SUV39H1: variants seen among roughly 807,000 people sequenced by gnomAD.
SUV39H1 encodes the protein SUV39H1 histone lysine methyltransferase.
For missense variants in SUV39H1, 180 were observed against 386.3 expected (o/e 0.47, Z 4.48); for synonymous variants, 141 against 150.5 (o/e 0.94, Z 0.46).
intron 3 of SUV39H1, among the ~76,000 whole-genome samples, chrX:48,703,537 C>T (rs1569495117): frequency 8.9e-6 from 1 of 112,129 alleles, no homozygotes; most frequent in East Asian, 2.8e-4. Context: ...CCCATCCTCA[C>T]CCAAGAGACA....
In SUV39H1 at chrX:48,707,716, G is replaced by C; in HGVS notation, c.*146G>C. ...TGCTCCTACCTGCTCTACGTTCAGG[G>C]CTGTGGCCGTGGTGAGGACCGACTC... On this transcript the variant is annotated 3_prime_UTR_variant, in exon 6 of 6. Transcript: ENST00000376687. The C allele has an allele frequency of 1.3e-6, 1 of 776,942 alleles. No homozygotes were observed. Among genetic ancestry groups the C allele is most frequent in the Non-Finnish European group, 1.9e-6 (1 of 524,619 alleles). 64.0% of individuals were successfully genotyped at this position (776,942 alleles called of 1,213,427 possible).
chrX:48,696,180 G>A (rs1325195734), upstream of SUV39H1, among the ~76,000 whole-genome samples: 1 of 112,591 alleles, frequency 8.9e-6, no homozygotes, highest in Admixed American at 9.3e-5. Flanking sequence ...ACAACGTGAG[G>A]ACAGGATGGT....
intron 3 of SUV39H1, among the ~76,000 whole-genome samples, chrX:48,702,942 G>A (rs1557009608): frequency 9.0e-6 from 1 of 111,576 alleles, no homozygotes; most frequent in East Asian, 2.8e-4. Flanking sequence ...TTAGGAGGGT[G>A]GACTCTGGAT....
At position 48,707,597 on chromosome X, in the gene SUV39H1, C is replaced by T. The variant is rs782086266; in HGVS notation, c.*27C>T. The T allele has an allele frequency of 8.3e-7, 1 of 1,207,404 alleles. No individual in the cohort carries two copies. The highest frequency in any genetic ancestry group is 3.0e-5 in the East Asian group (1 of 33,745). Reference sequence around the variant, plus strand: ...CCTTAGAAGTCTGAGGCCAGACTGACTGAGGGGGCCTGAAGCTACATGCAC... The same window carrying T: ...CCTTAGAAGTCTGAGGCCAGACTGATTGAGGGGGCCTGAAGCTACATGCAC... On this transcript the variant is annotated 3_prime_UTR_variant, in exon 6 of 6. Transcript: ENST00000376687.
intron 2 of SUV39H1, 150 bp from the exon 3 acceptor site, chrX:48,699,941 A>G: frequency 6.2e-6 from 3 of 484,619 alleles, no homozygotes. Context: ...TCTAGAGCCC[A>G]TGCTTTTTAA....
At chrX:48,699,662 G>A (rs2062467800) in intron 2 of SUV39H1, among the ~76,000 whole-genome samples, 1 of 112,088 alleles carries the variant, frequency 8.9e-6, no homozygotes, top group African/African-American at 3.2e-5. Flanking sequence ...GGGTCCAGGT[G>A]AGCCAGGGTG....
chrX:48,696,901 G>A, intron 1 of SUV39H1, 98 bp downstream of exon 1: 1 of 655,507 alleles, frequency 1.5e-6, no homozygotes, highest in Non-Finnish European at 2.0e-6. Context: ...CGAGGCCCCG[G>A]CGCCGGGAGC....
chrX:48,699,382 G>T (rs183566317), intron 2 of SUV39H1, among the ~76,000 whole-genome samples: 2 of 111,145 alleles, frequency 1.8e-5, no homozygotes, highest in Admixed American at 9.5e-5. Context: ...GTTTCCTCTC[G>T]GAAACTCATT....
chrX:48,697,359 G>C (rs782484704), intron 1 of SUV39H1, among the ~76,000 whole-genome samples: 16 of 111,482 alleles, frequency 1.4e-4, no homozygotes, highest in Non-Finnish European at 3.0e-4. Flanking sequence ...GGAAAGAGGG[G>C]TGACTCAGTT....
intron 3 of SUV39H1, among the ~76,000 whole-genome samples, chrX:48,705,734 C>CCT (rs1217899342): frequency 8.9e-6 from 1 of 112,299 alleles, no homozygotes; most frequent in African/African-American, 3.2e-5. Context: ...TCTGCCTCCA[C>CCT]CTCTCTTGTC....
intron 1 of SUV39H1, among the ~76,000 whole-genome samples, chrX:48,698,698 A>G (rs2062464412): frequency 8.9e-6 from 1 of 111,861 alleles, no homozygotes; most frequent in Non-Finnish European, 1.9e-5. Context: ...CTGCTGCTCC[A>G]GGGGCAGCTT....
chrX:48,704,062 C>T (rs1364493689), intron 3 of SUV39H1, among the ~76,000 whole-genome samples: 1 of 108,502 alleles, frequency 9.2e-6, no homozygotes, highest in Non-Finnish European at 1.9e-5. Flanking sequence ...GCAGCTGACT[C>T]CAAGTCTTCT....
At chrX:48,704,980 G>T (rs1233062786) in intron 3 of SUV39H1, among the ~76,000 whole-genome samples, 2 of 112,406 alleles carry the variant, frequency 1.8e-5, no homozygotes, top group Non-Finnish European at 1.9e-5. Flanking sequence ...ACTGGAGCAC[G>T]GGGCAGTGGG....
intron 2 of SUV39H1, 41 bp downstream of exon 2, chrX:48,699,088 CAAGG>C: frequency 2.6e-6 from 3 of 1,172,780 alleles, no homozygotes; most frequent in Non-Finnish European, 3.4e-6. Context: ...GGACAGGTCA[CAAGG>C]AAGTTAGTGT....
intron 3 of SUV39H1, 134 bp from the exon 4 acceptor site, chrX:48,706,129 GAC>G: frequency 1.2e-6 from 1 of 865,369 alleles, no homozygotes; most frequent in Non-Finnish European, 1.6e-6. Context: ...AGGGCCGACA[GAC>G]TCTCTGCGTC....
chrX:48,701,101 G>A (rs782802146), intron 3 of SUV39H1, among the ~76,000 whole-genome samples: 9 of 111,711 alleles, frequency 8.1e-5, no homozygotes, highest in Non-Finnish European at 1.5e-4. Flanking sequence ...CAGCTGGAAA[G>A]GCACTTCCTC....
chrX:48,705,538 G>C (rs958667055), intron 3 of SUV39H1, among the ~76,000 whole-genome samples: 1 of 112,776 alleles, frequency 8.9e-6, no homozygotes, highest in African/African-American at 3.2e-5. Context: ...AGGACAGGTA[G>C]GGAACCAGCT....
In SUV39H1 at chrX:48,700,203, T is replaced by C; in HGVS notation, c.278T>C (p.Leu93Ser). ...VRILKQFHKD[L>S]ERELLRRHHR... ...ATCCTCAAGCAGTTCCACAAGGACTTAGAAAGGGAGCTGCTCCGGCGGCAC... is the reference window on the plus strand; with the variant it reads ...ATCCTCAAGCAGTTCCACAAGGACTCAGAAAGGGAGCTGCTCCGGCGGCAC... The change falls in exon 3 of 6, where the codon TTA becomes TCA. Residue 93 changes from leucine (L) to serine (S), a missense_variant. Physicochemically the swap from Leu to Ser is moderately radical, Grantham distance 145. Transcript: ENST00000376687. 1 of 1,202,741 alleles carries C rather than the reference T, an allele frequency of 8.3e-7. No homozygotes were observed. The highest frequency in any genetic ancestry group is 1.1e-6 in the Non-Finnish European group (1 of 891,128).
chrX:48,696,619 C>G (rs1557008616), upstream of SUV39H1: 2 of 651,388 alleles, frequency 3.1e-6, no homozygotes, highest in Non-Finnish European at 4.2e-6. Flanking sequence ...CCTCCGGGAC[C>G]GAGCCGGGCG....
Sources: allele counts gnomAD v4.1 joint callset (sites outside exome capture counted in the v4.1 genomes callset), GRCh38; gene constraint gnomAD v4.1.1; transcripts MANE v1.5; gene names NCBI Gene and HGNC (gene_info 2026-07-23, HGNC 2026-07-21).